Variants in DIPK1C observed in about 807,000 individuals in gnomAD.
DIPK1C encodes the protein familial non-conventional Alzheimer's dementia.
A neutral mutation model predicts 28.0 loss-of-function variants in DIPK1C; 33 were observed. The observed-to-expected ratio is 1.18, with a 90% CI of 0.89 to 1.58. The LOEUF is 1.58. Among genes scored for constraint, DIPK1C ranks in the 40% most tolerant of loss-of-function variants. DIPK1C has a pLI of 0.00. For missense variants in DIPK1C, 569 were observed against 568.5 expected, an observed-to-expected ratio of 1.00 and a Z score of -0.01; for synonymous variants, 255 against 248.8, an observed-to-expected ratio of 1.02 and a Z score of -0.23.
rs973385965 is a variant in DIPK1C, at chr18:74,435,217, C to T, written c.*1284G>A. 3.3e-5 allele frequency: 5 copies of T among 152,234 alleles called. No homozygotes were observed. Among genetic ancestry groups the T allele is most frequent in the African/African-American group, 1.2e-4 (5 of 41,452 alleles). 9.4% of individuals were successfully genotyped at this position (152,234 alleles called of 1,614,324 possible). On this transcript the variant is annotated 3_prime_UTR_variant, in exon 4 of 4. Coordinates refer to ENST00000343998, the MANE Select transcript of DIPK1C (RefSeq NM_001044369.3). ...TCTTCTTTAATGTGTAAACTGCCAA[C>T]ATGACTTCCTGATTCTCTCATCTTT... is the stretch of plus-strand genomic sequence containing the variant.
At chr18:74,453,481 G>C (rs536010750) in intron 1 of DIPK1C, among the ~76,000 whole-genome samples, 52 of 152,320 alleles carry the variant, frequency 3.4e-4, no homozygotes, top group African/African-American at 1.3e-3. Context: ...CCTGGATGCT[G>C]TAGTCCCATT....
intron 2 of DIPK1C, among the ~76,000 whole-genome samples, chr18:74,444,210 T>C (rs1469419524): frequency 6.6e-6 from 1 of 152,192 alleles, no homozygotes; most frequent in Non-Finnish European, 1.5e-5. Context: ...CCAAAAACTG[T>C]GGCCCTGGAG....
chr18:74,462,821 A>G (rs1020439165), upstream of DIPK1C, among the ~76,000 whole-genome samples: 1 of 152,188 alleles, frequency 6.6e-6, no homozygotes, highest in African/African-American at 2.4e-5. Flanking sequence ...GTGGTATTTC[A>G]GTCTGCATTT....
intron 3 of DIPK1C, among the ~76,000 whole-genome samples, chr18:74,437,266 C>A (rs1204561949): frequency 6.6e-6 from 1 of 152,184 alleles, no homozygotes; most frequent in Non-Finnish European, 1.5e-5. Context: ...CACTTTAAGG[C>A]TCATGAAACA....
At chr18:74,464,102 C>T in the DIPK1C span, among the ~76,000 whole-genome samples, 1 of 152,170 alleles carries the variant, frequency 6.6e-6, no homozygotes, top group African/African-American at 2.4e-5. Flanking sequence ...TCTCAGCTCT[C>T]CGGATGCTGG....
At position 74,441,954 on chromosome 18, in the gene DIPK1C, G is replaced by A; in HGVS notation, c.1039C>T (p.Gln347Ter). 2 of 1,612,942 alleles carry A rather than the reference G, an allele frequency of 1.2e-6. No individual in the cohort carries two copies. The highest frequency in any genetic ancestry group is 1.7e-6 in the Non-Finnish European group (2 of 1,179,338). The change falls in exon 3 of 4, where the codon CAG becomes TAG. Residue 347 changes from glutamine to a stop codon, truncating the protein, a stop_gained and splice_region_variant. Coordinates refer to ENST00000343998, the MANE Select transcript of DIPK1C (RefSeq NM_001044369.3). LOFTEE classifies it low-confidence loss of function (END_TRUNC). The stretch of plus-strand genomic sequence containing the variant: ...CCAGCCCTGGCGGACTCTCATACCT[G>A]CAGGTTGTTGTTTACGCGCTGCGCT... ...CGAQRVNNNL[Q>*]VICDKIFRHW... is the part of the protein sequence containing the mutation.
In DIPK1C at chr18:74,436,256, C is replaced by A; in HGVS notation, c.*245G>T. On this transcript the variant is annotated 3_prime_UTR_variant, in exon 4 of 4. Coordinates refer to ENST00000343998, the MANE Select transcript of DIPK1C (RefSeq NM_001044369.3). ...GGTTGGTGTCTTCTGACCGAGAGCC[C>A]TCCTGAAGGGAGGTCTGTACCTCCT... is the stretch of plus-strand genomic sequence containing the variant. The A allele has an allele frequency of 1.9e-6, 1 of 533,374 alleles. No homozygotes were observed. The highest frequency in any genetic ancestry group is 3.3e-6 in the Non-Finnish European group (1 of 302,718). 33.0% of individuals were successfully genotyped at this position (533,374 alleles called of 1,614,324 possible). A position where few individuals can be genotyped will look rare whatever the true frequency, so the allele number is the denominator to read the frequency against.
At chr18:74,444,235 A>G (rs1051058307) in intron 2 of DIPK1C, among the ~76,000 whole-genome samples, 3 of 152,178 alleles carry the variant, frequency 2.0e-5, no homozygotes, top group Non-Finnish European at 4.4e-5. Context: ...AAGCCATACC[A>G]TCTGTTGGAA....
chr18:74,449,511 A>C (rs750687711), intron 1 of DIPK1C, among the ~76,000 whole-genome samples: 25 of 152,246 alleles, frequency 1.6e-4, no homozygotes, highest in Non-Finnish European at 3.2e-4. Flanking sequence ...GTAGTACAAC[A>C]GCCTGAAAGG....
chr18:74,439,123 T>G (rs537335388), intron 3 of DIPK1C, among the ~76,000 whole-genome samples: 121 of 152,338 alleles, frequency 7.9e-4, no homozygotes, highest in Non-Finnish European at 1.1e-3. Flanking sequence ...TTTGTTTTTT[T>G]TTTTCTGAAA....
chr18:74,450,200 T>C (rs759565551), intron 1 of DIPK1C, among the ~76,000 whole-genome samples: 17 of 152,078 alleles, frequency 1.1e-4, no homozygotes, highest in Non-Finnish European at 2.2e-4. Flanking sequence ...ATAAATCTGA[T>C]AAGAAAGTGC....
upstream of DIPK1C, among the ~76,000 whole-genome samples, chr18:74,458,412 G>C (rs1163142818): frequency 6.6e-6 from 1 of 152,030 alleles, no homozygotes; most frequent in Non-Finnish European, 1.5e-5. Flanking sequence ...TGATCACTGC[G>C]TGCTGTGATT....
At chr18:74,455,246 T>G (rs1476702162) in intron 1 of DIPK1C, among the ~76,000 whole-genome samples, 1 of 152,180 alleles carries the variant, frequency 6.6e-6, no homozygotes, top group Non-Finnish European at 1.5e-5. Flanking sequence ...TAATTTCCAT[T>G]ATTAAGCCTT....
At position 74,447,835 on chromosome 18, in the gene DIPK1C, CAG is replaced by C. The variant is rs1986308141; in HGVS notation, c.199-554_199-553del. 6.6e-6 allele frequency among the ~76,000 whole-genome samples: 1 copy of C among 152,206 alleles called. No homozygotes were observed. Among genetic ancestry groups the C allele is most frequent in the East Asian group, 1.9e-4 (1 of 5,176 alleles). On this transcript the variant is annotated intron_variant, in intron 1 of 3. Coordinates refer to ENST00000343998, the MANE Select transcript of DIPK1C (RefSeq NM_001044369.3). The surrounding 1 kb of genome is among the most constrained non-coding windows in gnomAD (Gnocchi z 4.1). The stretch of plus-strand genomic sequence containing the variant: ...GAAATGGAGTGCCCTATAAAGCTTG[CAG>C]GCTGCAGGTTTGCAGATGTTTAGAG...
At chr18:74,444,606 A>G (rs1986218372) in intron 2 of DIPK1C, among the ~76,000 whole-genome samples, 1 of 152,194 alleles carries the variant, frequency 6.6e-6, no homozygotes, top group African/African-American at 2.4e-5. Flanking sequence ...GCATTTCTAA[A>G]TGAGCTCTCT....
chr18:74,457,543 C>T (rs186935311), upstream of DIPK1C, among the ~76,000 whole-genome samples: 461 of 152,308 alleles, frequency 3.0e-3, 5 homozygotes, highest in African/African-American at 0.01. Flanking sequence ...AGAAGACCAG[C>T]TCCCCACTTA....
chr18:74,435,990 T>G lies in DIPK1C; in HGVS notation c.*511A>C, dbSNP rs1985980062. On this transcript the variant is annotated 3_prime_UTR_variant, in exon 4 of 4. Transcript: ENST00000343998. Reference sequence around the variant, plus strand: ...TCACACTCAGGCATACTCATACTCCTCATGAGCACACCACACTCACCTGTG... The same window carrying G: ...TCACACTCAGGCATACTCATACTCCGCATGAGCACACCACACTCACCTGTG... 1 of 172,268 alleles carries G rather than the reference T, an allele frequency of 5.8e-6. No homozygotes were observed. The highest frequency in any genetic ancestry group is 1.5e-4 in the South Asian group (1 of 6,742). The allele number at this position is 172,268 out of a possible 1,614,324, so 10.7% of individuals were successfully genotyped here.
intron 1 of DIPK1C, among the ~76,000 whole-genome samples, chr18:74,450,827 A>G (rs1219007653): frequency 6.6e-6 from 1 of 152,148 alleles, no homozygotes; most frequent in African/African-American, 2.4e-5. Flanking sequence ...CCTAAATGAC[A>G]TTAGAGTGAC....
At chr18:74,442,162 T>A in intron 2 of DIPK1C, 46 bp from the exon 3 acceptor site, 1 of 1,606,966 alleles carries the variant, frequency 6.2e-7, no homozygotes, top group Non-Finnish European at 8.5e-7. Context: ...ACTGGTGGGC[T>A]CTGCAGAGAG....
Sources: allele counts gnomAD v4.1 joint callset (sites outside exome capture counted in the v4.1 genomes callset), GRCh38; gene constraint gnomAD v4.1.1; non-coding constraint Gnocchi (gnomAD v3.1); transcripts MANE v1.5; gene names NCBI Gene and HGNC (gene_info 2026-07-23, HGNC 2026-07-21).